The following ARHGEF3 variants were observed in gnomAD, a reference collection of about 807,000 sequenced individuals.
The protein encoded by ARHGEF3 is 59.8 kDA protein.
A neutral mutation model predicts 63.2 loss-of-function variants in ARHGEF3; 28 were observed. The ratio of observed to expected loss-of-function variants is 0.44; its 90% CI spans 0.33 to 0.61. ARHGEF3 has a LOEUF of 0.61. ARHGEF3 is among the 20% of genes least tolerant of loss of function. ARHGEF3 has a pLI of 0.03. For missense variants in ARHGEF3, 533 were observed against 659.3 expected (o/e 0.81, Z 2.10); for synonymous variants, 266 against 254.2 (o/e 1.05, Z -0.44).
At chr3:56,784,953 A>G (rs749136105) in intron 1 of ARHGEF3, among the ~76,000 whole-genome samples, 2 of 152,176 alleles carry the variant, frequency 1.3e-5, no homozygotes, top group Non-Finnish European at 2.9e-5. Flanking sequence ...CTAGGTGTAT[A>G]ATATGCTTGG....
intron 3 of ARHGEF3, among the ~76,000 whole-genome samples, chr3:56,914,872 G>A (rs1335120719): frequency 6.6e-6 from 1 of 152,198 alleles, no homozygotes; most frequent in African/African-American, 2.4e-5. Context: ...ATTGTTTAAC[G>A]AGTATAGAGT....
At chr3:56,942,722 C>T (rs970315579) in intron 3 of ARHGEF3, among the ~76,000 whole-genome samples, 3 of 152,216 alleles carry the variant, frequency 2.0e-5, no homozygotes, top group Non-Finnish European at 4.4e-5. Context: ...TTGTACCCAA[C>T]AGCCGAGTTG....
At chr3:56,816,407 G>C (rs1424511897) in intron 4 of ARHGEF3, among the ~76,000 whole-genome samples, 1 of 152,138 alleles carries the variant, frequency 6.6e-6, no homozygotes, top group Non-Finnish European at 1.5e-5. Flanking sequence ...TCTAAATAGT[G>C]CCCCATAAAT....
At position 56,958,997 on chromosome 3, in the gene ARHGEF3, C is replaced by T; in HGVS notation, c.63-108G>A. 2.5e-6 allele frequency: 3 copies of T among 1,205,178 alleles called. No individual in the cohort carries two copies. In the South Asian group the frequency reaches 4.0e-5, roughly 16 times the overall value. The allele number at this position is 1,205,178 out of a possible 1,614,324, so 74.7% of individuals were successfully genotyped here. ...AAAAGAGAGATGCCTCAAGAAATGG[C>T]CCAAACAAGGTGGATGGAGTTTTCA... On this transcript the variant is annotated intron_variant, in intron 2 of 12. Transcript: ENST00000338458.
At chr3:57,050,264 C>G (rs1704617990) in intron 1 of ARHGEF3, among the ~76,000 whole-genome samples, 1 of 152,256 alleles carries the variant, frequency 6.6e-6, no homozygotes. Flanking sequence ...TTCCCACAAC[C>G]CTAAAAATAC....
At chr3:56,802,112 G>T, upstream of ARHGEF3, 1 of 856,676 alleles carries the variant, frequency 1.2e-6, no homozygotes, top group Non-Finnish European at 1.6e-6. Context: ...TCCCGCGGGT[G>T]GAGAGGGACC....
At chr3:56,819,518 T>C (rs1044971711) in intron 4 of ARHGEF3, among the ~76,000 whole-genome samples, 1 of 151,984 alleles carries the variant, frequency 6.6e-6, no homozygotes, top group South Asian at 2.1e-4. Context: ...GCAGTTTTTT[T>C]TTTTTTTTTT....
chr3:56,840,776 T>C (rs899742756), intron 4 of ARHGEF3, among the ~76,000 whole-genome samples: 1 of 152,204 alleles, frequency 6.6e-6, no homozygotes, highest in African/African-American at 2.4e-5. Flanking sequence ...ATAACATTAA[T>C]ACTATTTGTT....
intron 8 of ARHGEF3, among the ~76,000 whole-genome samples, chr3:56,736,477 G>C (rs892148845): frequency 6.6e-6 from 1 of 152,216 alleles, no homozygotes; most frequent in African/African-American, 2.4e-5. Context: ...CAAAATGCCA[G>C]TCTGTGGATG....
intron 4 of ARHGEF3, among the ~76,000 whole-genome samples, chr3:56,846,434 G>A (rs991479904): frequency 2.0e-5 from 3 of 152,138 alleles, no homozygotes; most frequent in African/African-American, 7.2e-5. Context: ...TAGAGACGGT[G>A]AAAATGACTA....
upstream of ARHGEF3, among the ~76,000 whole-genome samples, chr3:56,803,758 C>T (rs1036822262): frequency 1.3e-5 from 2 of 152,032 alleles, no homozygotes; most frequent in Non-Finnish European, 2.9e-5. Context: ...GCTATGGTTG[C>T]ACCACTGCAC....
At chr3:56,944,719 G>C (rs1699388117) in intron 3 of ARHGEF3, among the ~76,000 whole-genome samples, 1 of 151,774 alleles carries the variant, frequency 6.6e-6, no homozygotes, top group African/African-American at 2.4e-5. Context: ...TGGGACGACA[G>C]GCACCTGCGC....
chr3:56,749,659 T>G (rs933752385), intron 6 of ARHGEF3, among the ~76,000 whole-genome samples: 1 of 152,232 alleles, frequency 6.6e-6, no homozygotes, highest in Non-Finnish European at 1.5e-5. Flanking sequence ...AGTTAAAACA[T>G]CTACGATGGC....
At chr3:57,067,692 C>T (rs528123615) in intron 1 of ARHGEF3, among the ~76,000 whole-genome samples, 3 of 150,584 alleles carry the variant, frequency 2.0e-5, no homozygotes, top group South Asian at 2.1e-4. Context: ...AAAAATTAGC[C>T]GGCGTGAGAC....
chr3:56,968,518 G>A (rs1326828192), intron 2 of ARHGEF3, among the ~76,000 whole-genome samples: 8 of 143,004 alleles, frequency 5.6e-5, no homozygotes, highest in South Asian at 2.2e-4. Flanking sequence ...CTGTAGAGAC[G>A]GGGTCTCCCT....
intron 2 of ARHGEF3, among the ~76,000 whole-genome samples, chr3:56,772,454 C>A (rs1559925712): frequency 6.6e-6 from 1 of 152,150 alleles, no homozygotes; most frequent in Non-Finnish European, 1.5e-5. Flanking sequence ...ACTCAGAAAG[C>A]AGAGATACAA....
At chr3:56,767,841 G>T (rs1257709338) in intron 2 of ARHGEF3, among the ~76,000 whole-genome samples, 5 of 151,704 alleles carry the variant, frequency 3.3e-5, no homozygotes, top group African/African-American at 1.2e-4. Flanking sequence ...CCACCTCCTG[G>T]GTTCAAGTGA....
At position 56,941,298 on chromosome 3, in the gene ARHGEF3, C is replaced by T. The variant is rs368942187; in HGVS notation, c.129+17525G>A. 2.6e-3 allele frequency among the ~76,000 whole-genome samples: 401 copies of T among 152,324 alleles called. 1 individual carries two copies. The highest frequency in any genetic ancestry group is 9.1e-3 in the African/African-American group (377 of 41,568). On this transcript the variant is annotated intron_variant, in intron 3 of 12. Coordinates refer to the ARHGEF3 transcript ENST00000338458. ...TCTTGGCTCACTGCAACCTCCGCCTCCTGGGTTCAAGCAATTCTCCTGCCT... is the reference window on the plus strand; with the variant it reads ...TCTTGGCTCACTGCAACCTCCGCCTTCTGGGTTCAAGCAATTCTCCTGCCT...
intron 3 of ARHGEF3, among the ~76,000 whole-genome samples, chr3:56,884,001 T>C (rs549089341): frequency 6.6e-6 from 1 of 152,326 alleles, no homozygotes; most frequent in East Asian, 1.9e-4. Context: ...GGGCCCTGTG[T>C]TCACTCCCAG....
Sources: gnomAD v4.1 joint callset for allele counts (sites outside exome capture counted in the v4.1 genomes callset) on GRCh38, gnomAD v4.1.1 for gene constraint, MANE v1.5 for transcripts, NCBI Gene and HGNC (gene_info 2026-07-23, HGNC 2026-07-21) for gene names.